The following TINCR variants were observed in gnomAD, a reference collection of about 807,000 sequenced individuals.
TINCR encodes the protein TINCR-encoded ubiquitin-like protein.
chr19:5,567,464 G>C (rs747506292), intron 1 of TINCR, among the ~76,000 whole-genome samples: 23 of 152,252 alleles, frequency 1.5e-4, no homozygotes, highest in Non-Finnish European at 2.6e-4. Context: ...GAAACAGGCA[G>C]AGAAACAGGC....
At chr19:5,560,134 G>C (rs2052093322), downstream of TINCR, 1 of 152,264 alleles carries the variant, frequency 6.6e-6, no homozygotes, top group Non-Finnish European at 1.5e-5. This position sits in a 1 kb window ranked among gnomAD's most constrained non-coding sequence, Gnocchi z 4.5. Flanking sequence ...GAGTGAAGTG[G>C]GGCTCCTCTC....
At chr19:5,564,395 G>C (rs906579246) in intron 1 of TINCR, among the ~76,000 whole-genome samples, 1 of 152,198 alleles carries the variant, frequency 6.6e-6, no homozygotes, top group Non-Finnish European at 1.5e-5. Context: ...TTGATGCCCA[G>C]AGAGGGTGGG....
chr19:5,567,367 GAC>G (rs1209021979), intron 1 of TINCR, among the ~76,000 whole-genome samples: 1 of 151,852 alleles, frequency 6.6e-6, no homozygotes, highest in Non-Finnish European at 1.5e-5. Flanking sequence ...AAGAAGAAGA[GAC>G]AGAGATGAGA....
At chr19:5,559,170 C>T (rs1018996152), downstream of TINCR, 2 of 152,208 alleles carry the variant, frequency 1.3e-5, no homozygotes, top group Non-Finnish European at 2.9e-5. Flanking sequence ...CTTTCTCCCA[C>T]CTCCACCCCC....
Position 5,563,985 on chromosome 19 carries a change from C to T in TINCR, c.261-1036G>A, listed in dbSNP as rs1167073555. ...ACAGCGGTAAGGCCACGTGAAAAGC[C>T]CCTAGCATCTCAAAGGCTCTCAAAG... On this transcript the variant is annotated intron_variant, in intron 1 of 1. Coordinates refer to ENST00000646160, the Ensembl canonical transcript of TINCR. The surrounding 1 kb of genome is among the most constrained non-coding windows in gnomAD (Gnocchi z 4.7). Among the ~76,000 whole-genome samples the T allele has an allele frequency of 6.6e-6, 1 of 152,120 alleles. No individual in the cohort carries two copies. The highest frequency in any genetic ancestry group is 2.4e-5 in the African/African-American group (1 of 41,416).
At chr19:5,567,367 G>A (rs536520766) in intron 1 of TINCR, among the ~76,000 whole-genome samples, 7 of 151,852 alleles carry the variant, frequency 4.6e-5, no homozygotes, top group Non-Finnish European at 1.0e-4. Flanking sequence ...AAGAAGAAGA[G>A]ACAGAGATGA....
chr19:5,565,403 T>A lies in TINCR; in HGVS notation c.260+2262A>T, dbSNP rs577454082. 6.6e-6 allele frequency among the ~76,000 whole-genome samples: 1 copy of A among 152,318 alleles called. No homozygotes were observed. Among genetic ancestry groups the A allele is most frequent in the Non-Finnish European group, 1.5e-5 (1 of 68,020 alleles). ...CGCCAATTGCGAGTTGACATTCTCC[T>A]GTGCTATTATTTGGCTCTAGGCTCT... On this transcript the variant is annotated intron_variant, in intron 1 of 1. Transcript: ENST00000646160. The surrounding 1 kb of genome is among the most constrained non-coding windows in gnomAD (Gnocchi z 4.0).
intron 1 of TINCR, among the ~76,000 whole-genome samples, chr19:5,567,341 TGA>T (rs1175992432): frequency 7.9e-6 from 1 of 126,416 alleles, no homozygotes; most frequent in Non-Finnish European, 1.7e-5. Flanking sequence ...GGGAGAGAGA[TGA>T]GAGACAGAGA....
At position 5,563,512 on chromosome 19, in the gene TINCR, G is replaced by A. The variant is rs1440938735; in HGVS notation, c.261-563C>T. On this transcript the variant is annotated intron_variant, in intron 1 of 1. Transcript: ENST00000646160. This position sits in a 1 kb window ranked among gnomAD's most constrained non-coding sequence, Gnocchi z 4.7. ...GTTCCCACTAATGGAGCAGGGAGAAGGTTTAGTGATGAAGGGCGTGGCTTT... is the reference window on the plus strand; with the variant it reads ...GTTCCCACTAATGGAGCAGGGAGAAAGTTTAGTGATGAAGGGCGTGGCTTT... 6.6e-6 allele frequency among the ~76,000 whole-genome samples: 1 copy of A among 152,180 alleles called. No individual in the cohort carries two copies. Among genetic ancestry groups the A allele is most frequent in the Non-Finnish European group, 1.5e-5 (1 of 68,036 alleles).
rs915736104 is a variant in TINCR, at chr19:5,563,645, T to A, written c.261-696A>T. On this transcript the variant is annotated intron_variant, in intron 1 of 1. Coordinates refer to ENST00000646160, the Ensembl canonical transcript of TINCR. This position sits in a 1 kb window ranked among gnomAD's most constrained non-coding sequence, Gnocchi z 4.7. ...GATAACGGCACCCGGCCAGGCACGGTGGCTCACGCGTGTAATCCCAGCACT... is the reference window on the plus strand; with the variant it reads ...GATAACGGCACCCGGCCAGGCACGGAGGCTCACGCGTGTAATCCCAGCACT... Among the ~76,000 whole-genome samples the A allele has an allele frequency of 1.3e-5, 2 of 152,128 alleles. No homozygotes were observed. The highest frequency in any genetic ancestry group is 1.3e-4 in the Admixed American group (2 of 15,264).
chr19:5,567,626 G>GCCTACCCCCCCCCCCCCCCCCCCCCC, intron 1 of TINCR, 39 bp downstream of exon 1: 3 of 202,440 alleles, frequency 1.5e-5, no homozygotes, highest in East Asian at 9.7e-5. Context: ...GTCCCCGGCC[G>GCCTACCCCCCCCCCCCCCCCCCCCCC]CCGCCCCCGC....
chr19:5,558,640 C>G (rs2052083640), downstream of TINCR: 1 of 152,264 alleles, frequency 6.6e-6, no homozygotes, highest in Non-Finnish European at 1.5e-5. Flanking sequence ...CCCTGTCAAG[C>G]CTATCAGGCC....
intron 1 of TINCR, among the ~76,000 whole-genome samples, chr19:5,564,248 G>T (rs1459943254): frequency 6.6e-6 from 1 of 152,184 alleles, no homozygotes; most frequent in Non-Finnish European, 1.5e-5. Flanking sequence ...TACCGTCTGC[G>T]CTGACAGGTC....
At chr19:5,566,522 C>G (rs1010210622) in intron 1 of TINCR, among the ~76,000 whole-genome samples, 9 of 148,878 alleles carry the variant, frequency 6.0e-5, no homozygotes, top group African/African-American at 2.0e-4. Flanking sequence ...CAGAGACTCA[C>G]AGAGACACAG....
chr19:5,564,986 C>T (rs1368183090), intron 1 of TINCR, among the ~76,000 whole-genome samples: 2 of 152,082 alleles, frequency 1.3e-5, no homozygotes, highest in African/African-American at 2.4e-5. Flanking sequence ...CTGTTCTCCC[C>T]GCTGCAGCCA....
In TINCR at chr19:5,563,263, C is replaced by T. The variant is rs967076235; in HGVS notation, c.261-314G>A. Among the ~76,000 whole-genome samples, 2 of 151,950 alleles carry T rather than the reference C, an allele frequency of 1.3e-5. No homozygotes were observed. Among genetic ancestry groups the T allele is most frequent in the Non-Finnish European group, 2.9e-5 (2 of 68,016 alleles). ...ACGCCCCGACTCAGGGGCTCACAGG[C>T]GCCCTCTGGCACCTGCTACGGGGAG... On this transcript the variant is annotated intron_variant, in intron 1 of 1. Transcript: ENST00000646160. This position sits in a 1 kb window ranked among gnomAD's most constrained non-coding sequence, Gnocchi z 4.7.
At chr19:5,566,878 G>C (rs570362185) in intron 1 of TINCR, among the ~76,000 whole-genome samples, 249 of 151,894 alleles carry the variant, frequency 1.6e-3, no homozygotes, top group African/African-American at 5.4e-3. Context: ...AGAAAAGAGA[G>C]AGGGAGACAG....
At chr19:5,566,008 C>T (rs1463197603) in intron 1 of TINCR, among the ~76,000 whole-genome samples, 1 of 152,204 alleles carries the variant, frequency 6.6e-6, no homozygotes, top group African/African-American at 2.4e-5. Flanking sequence ...CCCTTCTCTG[C>T]AGACCCCTCC....
downstream of TINCR, chr19:5,561,006 G>A (rs1413810343): frequency 6.5e-6 from 1 of 154,050 alleles, no homozygotes; most frequent in Non-Finnish European, 1.5e-5. Flanking sequence ...GAGCTGCAGA[G>A]AAGAGGTTGA....
Sources: gnomAD v4.1 joint callset for allele counts (sites outside exome capture counted in the v4.1 genomes callset) on GRCh38, gnomAD v4.1.1 for gene constraint, Gnocchi (gnomAD v3.1) non-coding constraint, MANE v1.5 for transcripts, NCBI Gene and HGNC (gene_info 2026-07-23, HGNC 2026-07-21) for gene names.